Variants in DNMT1 observed in about 807,000 individuals in gnomAD.
DNMT1 encodes the protein DNA methyltransferase 1, also known as DNA (cytosine-5)-methyltransferase 1.
In DNMT1, 24 loss-of-function variants were observed where a neutral mutation model predicts 205.3. The ratio of observed to expected loss-of-function variants is 0.12; its 90% CI spans 0.08 to 0.16. The LOEUF is 0.16. DNMT1 is among the 10% of genes least tolerant of loss of function. The pLI, the probability that DNMT1 is intolerant of heterozygous loss-of-function variation, is 1.00. For missense variants in DNMT1, 1,293 were observed against 2,177.7 expected, an observed-to-expected ratio of 0.59 and a Z score of 8.09; for synonymous variants, 817 against 839.8, an observed-to-expected ratio of 0.97 and a Z score of 0.47.
chr19:10,147,003 A>G (rs2038216798), intron 27 of DNMT1, among the ~76,000 whole-genome samples: 1 of 152,178 alleles, frequency 6.6e-6, no homozygotes, highest in African/African-American at 2.4e-5. Context: ...TCATGTCTGT[A>G]ATCCCAGCCC....
chr19:10,160,613 G>A (rs965059364), intron 13 of DNMT1, among the ~76,000 whole-genome samples, 195 bp from the exon 14 acceptor site: 2 of 152,226 alleles, frequency 1.3e-5, no homozygotes, highest in African/African-American at 4.8e-5. Context: ...CTTATAGTCA[G>A]GCCCAGCACA....
intron 37 of DNMT1, 112 bp downstream of exon 37, chr19:10,136,973 C>T: frequency 7.0e-7 from 1 of 1,430,222 alleles, no homozygotes; most frequent in East Asian, 2.5e-5. Context: ...CTGGGACACC[C>T]AGGCTTGGTG....
intron 10 of DNMT1, 97 bp from the exon 11 acceptor site, chr19:10,166,782 A>G (rs1023486773): frequency 7.6e-7 from 1 of 1,307,528 alleles, no homozygotes; most frequent in Admixed American, 1.8e-5. Context: ...GCTCCTCCCC[A>G]GGTTCAGAGG....
chr19:10,175,898 TG>T (rs764206753), intron 6 of DNMT1, among the ~76,000 whole-genome samples: 1 of 152,192 alleles, frequency 6.6e-6, no homozygotes, highest in Non-Finnish European at 1.5e-5. Flanking sequence ...CCAGGTGCAG[TG>T]GCTCACGCCT....
chr19:10,151,490 T>C lies in DNMT1; in HGVS notation c.2173A>G (p.Ile725Val). 6.2e-7 allele frequency: 1 copy of C among 1,614,142 alleles called. No individual in the cohort carries two copies. The highest frequency in any genetic ancestry group is 1.1e-5 in the South Asian group (1 of 91,084). The change falls in exon 24 of 41, where the codon ATC becomes GTC. Residue 725 changes from isoleucine (I) to valine (V), a missense_variant. Ile to Val is a conservative substitution (Grantham distance 29). Coordinates refer to ENST00000359526, the MANE Select transcript of DNMT1 (RefSeq NM_001130823.3). The surrounding 1 kb of genome is among the most constrained non-coding windows in gnomAD (Gnocchi z 5.0). ...ADDDEEVDDN[I>V]PEMPSPKKMH... ...TTTTTGGGTGACGGCATCTCTGGGA[T>C]GTTATCATCGACTTCCTCATCGTCA...
rs2089508404 is a variant in DNMT1, at chr19:10,137,406, G to A, written c.4294-126C>T. On this transcript the variant is annotated intron_variant, in intron 36 of 40. Transcript: ENST00000359526. This position sits in a 1 kb window ranked among gnomAD's most constrained non-coding sequence, Gnocchi z 6.4. Reference sequence around the variant, plus strand: ...CCTGGGGCTCACGCCCATCGGGAAAGAGACAGTCAGGGATATCGCACTTGG... The same window carrying A: ...CCTGGGGCTCACGCCCATCGGGAAAAAGACAGTCAGGGATATCGCACTTGG... 3 of 1,224,200 alleles carry A rather than the reference G, an allele frequency of 2.5e-6. No homozygotes were observed. Among genetic ancestry groups the A allele is most frequent in the Non-Finnish European group, 3.4e-6 (3 of 878,164 alleles). The allele number at this position is 1,224,200 out of a possible 1,614,324, so 75.8% of individuals were successfully genotyped here.
intron 27 of DNMT1, among the ~76,000 whole-genome samples, chr19:10,148,312 C>T (rs984574589): frequency 9.0e-4 from 135 of 150,352 alleles, no homozygotes; most frequent in Admixed American, 3.4e-3. Context: ...CTGGCTAACA[C>T]AGTGAAACCT....
intron 1 of DNMT1, 60 bp downstream of exon 1, chr19:10,194,760 A>T: frequency 6.6e-7 from 1 of 1,515,754 alleles, no homozygotes; most frequent in Non-Finnish European, 8.9e-7. Flanking sequence ...AGGGGAAGCG[A>T]CCCCCCACCC....
intron 1 of DNMT1, among the ~76,000 whole-genome samples, chr19:10,192,857 A>G (rs910500809): frequency 2.0e-5 from 3 of 151,794 alleles, no homozygotes; most frequent in African/African-American, 4.8e-5. Context: ...GACCAGCCTG[A>G]CCAACATGGA....
At position 10,133,771 on chromosome 19, in the gene DNMT1, A is replaced by G. The variant is rs1452419970; in HGVS notation, c.4865-70T>C. ...GTGTCACGCCACTTGACAGGCGAGT[A>G]ACAGACATGGACCATCAGGAAACAT... On this transcript the variant is annotated intron_variant, in intron 40 of 40. Transcript: ENST00000359526. This position sits in a 1 kb window ranked among gnomAD's most constrained non-coding sequence, Gnocchi z 4.1. The G allele has an allele frequency of 4.7e-6, 7 of 1,488,450 alleles. No homozygotes were observed. In the Admixed American group the frequency reaches 1.2e-4, roughly 25 times the overall value. The allele number at this position is 1,488,450 out of a possible 1,614,324, so 92.2% of individuals were successfully genotyped here. A position where few individuals can be genotyped will look rare whatever the true frequency, so the allele number is the denominator to read the frequency against.
chr19:10,145,443 T>C (rs1206546069), intron 28 of DNMT1, among the ~76,000 whole-genome samples: 1 of 151,994 alleles, frequency 6.6e-6, no homozygotes, highest in East Asian at 1.9e-4. Context: ...TCTAAGGAAA[T>C]GGAATTGTGA....
rs2162559 is a variant in DNMT1 at position 10,168,513 on chromosome 19, T to C, written c.769-149A>G. 0.5 allele frequency: 384,718 copies of C among 762,386 alleles called. 99,257 individuals carry two copies. Among genetic ancestry groups the C allele is most frequent in the East Asian group, 0.62 (22,900 of 37,140 alleles). The allele number at this position is 762,386 out of a possible 1,614,324, so 47.2% of individuals were successfully genotyped here. A position where few individuals can be genotyped will look rare whatever the true frequency, so the allele number is the denominator to read the frequency against. ...GTCTACCAGTGGGCACAGTAGCTCATGCCTGTAATCTCAGAACTTTGGAAG... is the reference window on the plus strand; with the variant it reads ...GTCTACCAGTGGGCACAGTAGCTCACGCCTGTAATCTCAGAACTTTGGAAG... On this transcript the variant is annotated intron_variant, in intron 9 of 40. Coordinates refer to ENST00000359526, the MANE Select transcript of DNMT1 (RefSeq NM_001130823.3).
intron 9 of DNMT1, among the ~76,000 whole-genome samples, chr19:10,170,013 T>C (rs1225429769): frequency 2.6e-5 from 4 of 152,070 alleles, no homozygotes; most frequent in African/African-American, 9.7e-5. Context: ...CGGCCGGGCG[T>C]GGTGTTTCAC....
Position 10,168,330 on chromosome 19 carries a change from G to C in DNMT1, c.803C>G (p.Pro268Arg), listed in dbSNP as rs779634956. The change falls in exon 10 of 41, where the codon CCA (proline) becomes CGA (arginine). Residue 268 changes from proline (P) to arginine (R), a missense_variant and splice_region_variant. Coordinates refer to ENST00000359526, the MANE Select transcript of DNMT1 (RefSeq NM_001130823.3). ...ACAAAGGCAGGTTCGCTGCACTTAC[G>C]GTTCTTTGGTTTGACTTCGGAGTCT... ...EKRLRSQTKEPTPKQKLKEEP... is the reference protein window; with the variant it reads ...EKRLRSQTKERTPKQKLKEEP... The C allele has an allele frequency of 1.9e-6, 3 of 1,614,056 alleles. No individual in the cohort carries two copies. Among genetic ancestry groups the C allele is most frequent in the Non-Finnish European group, 2.5e-6 (3 of 1,180,002 alleles).
intron 34 of DNMT1, 45 bp downstream of exon 34, chr19:10,139,631 A>G: frequency 5.6e-6 from 9 of 1,599,806 alleles, no homozygotes; most frequent in Non-Finnish European, 5.9e-6. Context: ...TGGCCGGGTC[A>G]CGTGCTGGCC....
intron 1 of DNMT1, chr19:10,194,507 T>G: frequency 7.8e-6 from 2 of 256,700 alleles, no homozygotes; most frequent in Non-Finnish European, 7.5e-6. Context: ...CACCGCTGCT[T>G]GAAGAAGGGG....
At chr19:10,139,471 A>G (rs1428683285) in intron 34 of DNMT1, among the ~76,000 whole-genome samples, 1 of 152,242 alleles carries the variant, frequency 6.6e-6, no homozygotes, top group Admixed American at 6.5e-5. Flanking sequence ...ACACAGCTCA[A>G]GAGACACTAG....
intron 2 of DNMT1, 147 bp downstream of exon 2, chr19:10,181,894 T>C (rs1599398832): frequency 1.4e-6 from 1 of 691,432 alleles, no homozygotes; most frequent in African/African-American, 1.8e-5. Flanking sequence ...AAATTAGTGC[T>C]GACATTTAAC....
At chr19:10,153,272 A>G (rs1285716801) in intron 22 of DNMT1, among the ~76,000 whole-genome samples, 2 of 152,224 alleles carry the variant, frequency 1.3e-5, no homozygotes, top group African/African-American at 2.4e-5. Context: ...ACAAAATACT[A>G]CAGAATATTT....
Sources: allele counts gnomAD v4.1 joint callset (sites outside exome capture counted in the v4.1 genomes callset), GRCh38; gene constraint gnomAD v4.1.1; non-coding constraint Gnocchi (gnomAD v3.1); transcripts MANE v1.5; gene names NCBI Gene and HGNC (gene_info 2026-07-23, HGNC 2026-07-21).